The following CSMD1 variants were observed in gnomAD, a reference collection of about 807,000 sequenced individuals.
CSMD1 encodes the protein CUB and Sushi multiple domains 1.
CSMD1 carries 213 observed loss-of-function variants against 417.5 expected under a neutral mutation model. That is an observed-to-expected ratio of 0.51 (90% CI 0.46 to 0.57). CSMD1 has a LOEUF of 0.57. CSMD1 is among the 20% of genes least tolerant of loss of function. CSMD1 has a pLI of 0.00. For synonymous variants in CSMD1, 2,862 were observed against 1,736.8 expected, an observed-to-expected ratio of 1.65 and a Z score of -16.11; for missense variants, 6,923 against 4,529.7, an observed-to-expected ratio of 1.53 and a Z score of -15.17.
chr8:4,582,814 G>A (rs140620046), intron 2 of CSMD1, among the ~76,000 whole-genome samples: 5,512 of 152,320 alleles, frequency 0.036, 181 homozygotes, highest in Middle Eastern at 0.12. Context: ...CTCAGCTTGC[G>A]GGGAGGTGTG....
intron 26 of CSMD1, among the ~76,000 whole-genome samples, chr8:3,247,768 C>T (rs1020162380): frequency 1.3e-5 from 2 of 152,146 alleles, no homozygotes; most frequent in African/African-American, 4.8e-5. Context: ...ACAAAACCAA[C>T]AACAAAAAAC....
intron 3 of CSMD1, among the ~76,000 whole-genome samples, chr8:4,058,207 C>A (rs931036018): frequency 2.6e-4 from 39 of 152,186 alleles, no homozygotes; most frequent in African/African-American, 9.2e-4. Context: ...TCTTTTATTT[C>A]ATTGAGCAGT....
intron 26 of CSMD1, among the ~76,000 whole-genome samples, chr8:3,236,750 C>T (rs1799176905): frequency 6.6e-6 from 1 of 152,122 alleles, no homozygotes; most frequent in Admixed American, 6.5e-5. Flanking sequence ...ATGTTTTCTG[C>T]AAATTGGATT....
chr8:4,411,984 C>T (rs1477484062), intron 3 of CSMD1, among the ~76,000 whole-genome samples: 3 of 114,008 alleles, frequency 2.6e-5, no homozygotes, highest in East Asian at 5.8e-4. Context: ...AGCAACATAG[C>T]TAAGGGTGTG....
At chr8:4,356,539 T>G (rs17070035) in intron 3 of CSMD1, among the ~76,000 whole-genome samples, 1 of 152,258 alleles carries the variant, frequency 6.6e-6, no homozygotes, top group Non-Finnish European at 1.5e-5. Flanking sequence ...AGTCTTAGAG[T>G]ATTTTAAATA....
At chr8:4,903,012 TA>T (rs1370298308) in intron 1 of CSMD1, among the ~76,000 whole-genome samples, 4 of 4,010 alleles carry the variant, frequency 1.0e-3, no homozygotes, top group African/African-American at 2.0e-3. Context: ...ATATTAATAA[TA>T]AATAAATAAA....
intron 10 of CSMD1, among the ~76,000 whole-genome samples, chr8:3,523,584 C>A (rs989993478): frequency 1.3e-5 from 2 of 152,100 alleles, no homozygotes; most frequent in Non-Finnish European, 2.9e-5. Context: ...CATGTACACA[C>A]AGACATATGC....
chr8:4,376,840 A>G (rs901450381), intron 3 of CSMD1, among the ~76,000 whole-genome samples: 4 of 152,004 alleles, frequency 2.6e-5, no homozygotes, highest in African/African-American at 9.7e-5. Flanking sequence ...ATTTTGTCTT[A>G]TTTGTAAGTG....
chr8:2,972,934 T>C (rs1451088080), intron 57 of CSMD1, among the ~76,000 whole-genome samples, 183 bp downstream of exon 57: 1 of 152,242 alleles, frequency 6.6e-6, no homozygotes, highest in Non-Finnish European at 1.5e-5. Context: ...TGTGGATACT[T>C]GGAATACCTC....
At chr8:3,627,476 G>A (rs187520545) in intron 7 of CSMD1, among the ~76,000 whole-genome samples, 1 of 152,040 alleles carries the variant, frequency 6.6e-6, no homozygotes, top group African/African-American at 2.4e-5. Flanking sequence ...TTAAAGTCGT[G>A]CTATTATTTT....
chr8:4,971,544 G>A (rs1398272805), intron 1 of CSMD1, among the ~76,000 whole-genome samples: 2 of 151,904 alleles, frequency 1.3e-5, no homozygotes, highest in Non-Finnish European at 2.9e-5. Flanking sequence ...ATAATTTCTT[G>A]AGTTTTAAGC....
At chr8:3,364,605 T>C (rs1394198276) in intron 20 of CSMD1, among the ~76,000 whole-genome samples, 1 of 152,122 alleles carries the variant, frequency 6.6e-6, no homozygotes, top group Non-Finnish European at 1.5e-5. Flanking sequence ...TTTGGGAGTG[T>C]TTATGTCATG....
intron 1 of CSMD1, among the ~76,000 whole-genome samples, chr8:4,802,570 A>G (rs1027977254): frequency 3.9e-5 from 6 of 152,190 alleles, no homozygotes; most frequent in Non-Finnish European, 8.8e-5. Flanking sequence ...TAGTTTATGA[A>G]GAGATCACAA....
rs76343814 is a variant in CSMD1 at position 3,814,839 on chromosome 8, C to T, written c.819-60797G>A. 7.7e-4 allele frequency among the ~76,000 whole-genome samples: 117 copies of T among 152,188 alleles called. No homozygotes were observed. In the East Asian group the frequency reaches 0.02, roughly 26 times the overall value. The stretch of plus-strand genomic sequence containing the variant: ...AGCCAACTCCAGTACCATGAAGAAG[C>T]GGACTCCTTCATACTAGACACACCC... On this transcript the variant is annotated intron_variant, in intron 5 of 69. Coordinates refer to ENST00000635120, the MANE Select transcript of CSMD1 (RefSeq NM_033225.6).
At chr8:4,218,450 A>C (rs940605680) in intron 3 of CSMD1, among the ~76,000 whole-genome samples, 4 of 152,184 alleles carry the variant, frequency 2.6e-5, no homozygotes, top group Non-Finnish European at 5.9e-5. Flanking sequence ...GCCATGCTTC[A>C]TATTTTCCAT....
At chr8:3,684,937 G>A (rs1005961281) in intron 7 of CSMD1, among the ~76,000 whole-genome samples, 4 of 152,182 alleles carry the variant, frequency 2.6e-5, no homozygotes, top group African/African-American at 4.8e-5. Context: ...TGGCCAAAGT[G>A]GACAATTAAA....
chr8:4,357,291 A>G (rs1801486087), intron 3 of CSMD1, among the ~76,000 whole-genome samples: 1 of 152,202 alleles, frequency 6.6e-6, no homozygotes, highest in Non-Finnish European at 1.5e-5. Flanking sequence ...TCATCTGGCC[A>G]TTGTGCTTTC....
At chr8:4,554,786 C>A (rs1407736410) in intron 2 of CSMD1, among the ~76,000 whole-genome samples, 1 of 152,166 alleles carries the variant, frequency 6.6e-6, no homozygotes, top group Non-Finnish European at 1.5e-5. Flanking sequence ...ACCCATGAGC[C>A]AGCAGCGTCC....
At position 3,644,966 on chromosome 8, in the gene CSMD1, G is replaced by GAAAAAAAAA. The variant is rs71203456; in HGVS notation, c.1010-28178_1010-28170dup. On this transcript the variant is annotated intron_variant, in intron 7 of 69. Coordinates refer to ENST00000635120, the MANE Select transcript of CSMD1 (RefSeq NM_033225.6). ...GTTACGGATCACTAAGGCTTTAAAT[G>GAAAAAAAAA]AAAAAAAAAAAAAAAAAAAAAAAAA... is the stretch of plus-strand genomic sequence containing the variant. Among the ~76,000 whole-genome samples the GAAAAAAAAA allele has an allele frequency of 2.4e-3, 155 of 64,500 alleles. 10 individuals are homozygous for GAAAAAAAAA. Among genetic ancestry groups the GAAAAAAAAA allele is most frequent in the African/African-American group, 8.7e-3 (109 of 12,492 alleles). The allele number at this position is 64,500 out of a possible 152,430, so 42.3% of individuals were successfully genotyped here.
Sources: allele counts gnomAD v4.1 joint callset (sites outside exome capture counted in the v4.1 genomes callset), GRCh38; gene constraint gnomAD v4.1.1; transcripts MANE v1.5; gene names NCBI Gene and HGNC (gene_info 2026-07-23, HGNC 2026-07-21).